The following CFAP52 variants were observed in gnomAD, a reference collection of about 807,000 sequenced individuals.
CFAP52 encodes cilia- and flagella-associated protein 52.
A neutral mutation model predicts 70.5 loss-of-function variants in CFAP52; 57 were observed. That is an observed-to-expected ratio of 0.81 (90% confidence interval 0.65 to 1.01). CFAP52 has a LOEUF of 1.01. Ranked by LOEUF, CFAP52 falls within the 50% of genes least tolerant of loss-of-function variation. CFAP52 has a pLI of 0.00. For synonymous variants in CFAP52, 267 were observed against 292.5 expected, an observed-to-expected ratio of 0.91 and a Z score of 0.89; for missense variants, 785 against 788.5, an observed-to-expected ratio of 1.00 and a Z score of 0.05.
Position 9,638,782 on chromosome 17 carries a change from G to A in CFAP52, c.1575+71G>A, listed in dbSNP as rs1225687636. The A allele has an allele frequency of 2.0e-6, 3 of 1,500,194 alleles. No individual in the cohort carries two copies. In the African/African-American group the frequency reaches 4.1e-5, roughly 21 times the overall value. The allele number at this position is 1,500,194 out of a possible 1,614,324, so 92.9% of individuals were successfully genotyped here. ...AAGCAGTGAGGCGTTGTGGTGGAGG[G>A]TGCGGGCTCTGGAGTCAAACCACCT... On this transcript the variant is annotated intron_variant, in intron 12 of 13. Transcript: ENST00000352665.
chr17:9,579,814 C>G (rs1247499795), intron 1 of CFAP52, among the ~76,000 whole-genome samples: 1 of 152,154 alleles, frequency 6.6e-6, no homozygotes, highest in Non-Finnish European at 1.5e-5. Context: ...GTGATCCACC[C>G]GCCTCGGCCT....
intron 3 of CFAP52, among the ~76,000 whole-genome samples, chr17:9,589,402 C>T (rs553015021): frequency 6.6e-6 from 1 of 152,124 alleles, no homozygotes; most frequent in South Asian, 2.1e-4. Context: ...AAGTGGTCAC[C>T]CCTTCCCTGG....
At chr17:9,604,154 C>A (rs575537698) in intron 6 of CFAP52, among the ~76,000 whole-genome samples, 3 of 152,212 alleles carry the variant, frequency 2.0e-5, no homozygotes, top group East Asian at 1.9e-4. Context: ...AAAATTAACT[C>A]AAAATGGATT....
chr17:9,641,862 A>G, intron 13 of CFAP52, 27 bp downstream of exon 13: 1 of 1,586,522 alleles, frequency 6.3e-7, no homozygotes, highest in Non-Finnish European at 8.7e-7. Context: ...GAAAAAGCCA[A>G]GCCTGGCTTA....
chr17:9,604,471 A>T (rs1909399072), intron 6 of CFAP52, among the ~76,000 whole-genome samples: 1 of 152,096 alleles, frequency 6.6e-6, no homozygotes, highest in Non-Finnish European at 1.5e-5. Flanking sequence ...CCCCTAAAGA[A>T]GATATACAGA....
At chr17:9,584,381 C>CAG in intron 1 of CFAP52, 1 of 1,271,852 alleles carries the variant, frequency 7.9e-7, no homozygotes, top group African/African-American at 1.5e-5. Context: ...GGTGGGCACT[C>CAG]AGAACTGAAA....
intron 9 of CFAP52, among the ~76,000 whole-genome samples, chr17:9,631,051 A>AAC (rs1567634934): frequency 9.2e-6 from 1 of 108,506 alleles, no homozygotes; most frequent in East Asian, 4.0e-4. Flanking sequence ...AGAGAGAGAG[A>AAC]GAGAAAGAAA....
intron 3 of CFAP52, chr17:9,590,328 T>A (rs1908690956): frequency 5.5e-6 from 1 of 182,174 alleles, no homozygotes; most frequent in Admixed American, 5.6e-5. Flanking sequence ...CACAGGCTTA[T>A]GGATAATTAG....
intron 6 of CFAP52, among the ~76,000 whole-genome samples, chr17:9,602,244 TTAAG>T (rs1200063288): frequency 6.6e-6 from 1 of 152,168 alleles, no homozygotes; most frequent in Non-Finnish European, 1.5e-5. Context: ...GTCGTCTACA[TTAAG>T]TATTTCTCTT....
chr17:9,584,968 A>G (rs1351185675), intron 1 of CFAP52, among the ~76,000 whole-genome samples: 1 of 152,162 alleles, frequency 6.6e-6, no homozygotes, highest in Non-Finnish European at 1.5e-5. Context: ...AAATCATGCC[A>G]TTTGTAAAGA....
chr17:9,633,799 C>T (rs1161712396), intron 10 of CFAP52, among the ~76,000 whole-genome samples: 1 of 151,954 alleles, frequency 6.6e-6, no homozygotes, highest in South Asian at 2.1e-4. Flanking sequence ...GCCTCAGCCT[C>T]CTGAGTAGCT....
chr17:9,609,510 C>G (rs1043511844), intron 7 of CFAP52, among the ~76,000 whole-genome samples: 1 of 152,074 alleles, frequency 6.6e-6, no homozygotes, highest in African/African-American at 2.4e-5. Flanking sequence ...GCCTGGGCAA[C>G]ACAGTGAAGC....
chr17:9,631,990 C>A (rs1372943637), intron 9 of CFAP52, among the ~76,000 whole-genome samples: 1 of 151,772 alleles, frequency 6.6e-6, no homozygotes, highest in Admixed American at 6.6e-5. Context: ...CCAGGCTGGT[C>A]TCCACCTCCT....
At chr17:9,621,836 A>G (rs1322318776) in intron 8 of CFAP52, among the ~76,000 whole-genome samples, 1 of 135,338 alleles carries the variant, frequency 7.4e-6, no homozygotes, top group Non-Finnish European at 1.6e-5. Flanking sequence ...GGGGAATATC[A>G]CACTCTGGGG....
chr17:9,599,258 C>T (rs528413971), intron 5 of CFAP52, among the ~76,000 whole-genome samples: 9 of 152,250 alleles, frequency 5.9e-5, no homozygotes, highest in Non-Finnish European at 1.3e-4. Flanking sequence ...CAACAATTTC[C>T]GATTTTGGAG....
In CFAP52 at chr17:9,598,216, T is replaced by G. The variant is rs200087214; in HGVS notation, c.537-18T>G. 5.0e-3 allele frequency: 4,158 copies of G among 824,452 alleles called. 2 individuals are homozygous for G. Among genetic ancestry groups the G allele is most frequent in the Non-Finnish European group, 6.1e-3 (3,638 of 596,510 alleles). 51.1% of individuals were successfully genotyped at this position (824,452 alleles called of 1,614,324 possible). On this transcript the variant is annotated intron_variant, in intron 4 of 13. Transcript: ENST00000352665. ...GTGTCCATTTGATTGTGGTTTTTTG[T>G]TTTTTTTTTTTACATAGTGGGACAA...
At chr17:9,586,613 A>C in intron 2 of CFAP52, 85 bp from the exon 3 acceptor site, 1 of 1,444,824 alleles carries the variant, frequency 6.9e-7, no homozygotes, top group Non-Finnish European at 9.2e-7. Context: ...TGACAGTACT[A>C]ATTGTTTTTC....
chr17:9,622,915 G>T (rs1910103641), intron 8 of CFAP52, among the ~76,000 whole-genome samples: 1 of 151,918 alleles, frequency 6.6e-6, no homozygotes, highest in African/African-American at 2.4e-5. Context: ...TATGTAAATA[G>T]AATATTTCAA....
intron 10 of CFAP52, 132 bp from the exon 11 acceptor site, chr17:9,635,273 A>C: frequency 7.8e-7 from 1 of 1,278,908 alleles, no homozygotes; most frequent in East Asian, 2.5e-5. Context: ...CACCCCACCC[A>C]ACCGAGACAA....
Sources: allele counts gnomAD v4.1 joint callset (sites outside exome capture counted in the v4.1 genomes callset), GRCh38; gene constraint gnomAD v4.1.1; transcripts MANE v1.5; gene names NCBI Gene and HGNC (gene_info 2026-07-23, HGNC 2026-07-21).